The following ZBTB7C variants were observed in gnomAD, a reference collection of about 807,000 sequenced individuals.
ZBTB7C encodes zinc finger and BTB domain containing 7C.
ZBTB7C carries 8 observed loss-of-function variants against 25.7 expected under a neutral mutation model. The ratio of observed to expected loss-of-function variants is 0.31; its 90% CI spans 0.18 to 0.56. The LOEUF is 0.56. Ranked by LOEUF, ZBTB7C falls within the 20% of genes least tolerant of loss-of-function variation. The pLI, the probability that ZBTB7C is intolerant of heterozygous loss-of-function variation, is 0.91. For synonymous variants in ZBTB7C, 394 were observed against 369.0 expected (o/e 1.07, Z -0.78); for missense variants, 824 against 855.2 (o/e 0.96, Z 0.46).
chr18:48,228,134 A>T (rs2043152430), intron 2 of ZBTB7C, among the ~76,000 whole-genome samples: 1 of 152,166 alleles, frequency 6.6e-6, no homozygotes, highest in East Asian at 1.9e-4. Flanking sequence ...AGCATGCTCA[A>T]TGGCATGGCT....
chr18:48,218,286 C>T (rs367701188), intron 2 of ZBTB7C, among the ~76,000 whole-genome samples: 6 of 152,182 alleles, frequency 3.9e-5, no homozygotes, highest in South Asian at 2.1e-4. Flanking sequence ...TGCAAAGGGC[C>T]GCTGAATCAA....
At chr18:48,043,643 A>T (rs1301692852) in intron 3 of ZBTB7C, among the ~76,000 whole-genome samples, 2 of 152,184 alleles carry the variant, frequency 1.3e-5, no homozygotes, top group Non-Finnish European at 2.9e-5. Flanking sequence ...GATACTTGTG[A>T]TGGAAATGTT....
intron 1 of ZBTB7C, among the ~76,000 whole-genome samples, chr18:48,383,205 C>T (rs1264969324): frequency 6.6e-6 from 1 of 152,138 alleles, no homozygotes; most frequent in Non-Finnish European, 1.5e-5. Context: ...CTTACAGAAT[C>T]CCCCTCACAA....
Position 48,040,678 on chromosome 18 carries a change from CGTCATCGTCCTCCTT to C in ZBTB7C, c.415_429del (p.Lys139_Asp143del). On this transcript the variant is annotated inframe_deletion, in exon 4 of 5. Transcript: ENST00000590800. ...TCCTCATCATCATCATCTTCGTCGT[CGTCATCGTCCTCCTT>C]GTCATCCTCCTCCCCCCCGTCCCCC... The C allele has an allele frequency of 1.9e-6, 3 of 1,613,838 alleles. No individual in the cohort carries two copies. Among genetic ancestry groups the C allele is most frequent in the Non-Finnish European group, 2.5e-6 (3 of 1,179,862 alleles).
At chr18:48,184,960 C>T (rs775735933) in intron 3 of ZBTB7C, among the ~76,000 whole-genome samples, 15 of 152,150 alleles carry the variant, frequency 9.9e-5, no homozygotes, top group Non-Finnish European at 1.8e-4. Context: ...GTGAAAAATT[C>T]ATGCAGCCAT....
intron 3 of ZBTB7C, among the ~76,000 whole-genome samples, chr18:48,184,481 C>G (rs1168163195): frequency 6.6e-6 from 1 of 152,108 alleles, no homozygotes; most frequent in African/African-American, 2.4e-5. Flanking sequence ...TGGATAGAGC[C>G]TTTGTAAAGC....
intron 2 of ZBTB7C, among the ~76,000 whole-genome samples, chr18:48,278,720 G>A (rs555399225): frequency 3.9e-5 from 6 of 152,208 alleles, no homozygotes; most frequent in South Asian, 2.1e-4. Context: ...GAGCCACCGC[G>A]TCCAGCCATC....
At position 48,227,312 on chromosome 18, in the gene ZBTB7C, T is replaced by C. The variant is rs948697486; in HGVS notation, c.-78-41317A>G. On this transcript the variant is annotated intron_variant, in intron 2 of 4. Coordinates refer to ENST00000590800, the MANE Select transcript of ZBTB7C (RefSeq NM_001318841.2). Reference sequence around the variant, plus strand: ...TTCACATGTGTACGGCCTGGCAGTTTAGAGGGCACCTTCAAAAGCCTCCTC... The same window carrying C: ...TTCACATGTGTACGGCCTGGCAGTTCAGAGGGCACCTTCAAAAGCCTCCTC... Among the ~76,000 whole-genome samples the C allele has an allele frequency of 8.5e-5, 13 of 152,212 alleles. No individual in the cohort carries two copies. In the East Asian group the frequency reaches 1.4e-3, roughly 16 times the overall value.
At chr18:48,098,748 T>C (rs1380965661) in intron 3 of ZBTB7C, among the ~76,000 whole-genome samples, 3 of 152,188 alleles carry the variant, frequency 2.0e-5, no homozygotes, top group Non-Finnish European at 4.4e-5. Flanking sequence ...GGGATGGACA[T>C]GTGACATAGG....
chr18:48,348,000 C>T (rs1178070938), intron 1 of ZBTB7C, among the ~76,000 whole-genome samples: 3 of 152,176 alleles, frequency 2.0e-5, no homozygotes, highest in Non-Finnish European at 4.4e-5. Flanking sequence ...TTGGCCTGCC[C>T]CAGGGAGCAG....
intron 2 of ZBTB7C, among the ~76,000 whole-genome samples, chr18:48,254,802 T>C (rs759576179): frequency 1.3e-4 from 20 of 152,294 alleles, no homozygotes; most frequent in South Asian, 4.1e-4. Flanking sequence ...CCTCATTCAG[T>C]AGCCCTATGA....
intron 3 of ZBTB7C, among the ~76,000 whole-genome samples, chr18:48,079,988 T>C (rs1264131348): frequency 6.6e-6 from 1 of 152,234 alleles, no homozygotes; most frequent in Non-Finnish European, 1.5e-5. Flanking sequence ...CATGAGTCTG[T>C]GCTAACGACA....
intron 2 of ZBTB7C, among the ~76,000 whole-genome samples, chr18:48,289,208 T>G (rs558777648): frequency 1.3e-5 from 2 of 152,258 alleles, no homozygotes; most frequent in African/African-American, 4.8e-5. Context: ...AACTAAATAA[T>G]AATAATAATA....
At position 48,040,634 on chromosome 18, in the gene ZBTB7C, C is replaced by CTCCTCCTCCTCTTCG. The variant is rs752158268; in HGVS notation, c.459_473dup (p.Asp153_Glu157dup). On this transcript the variant is annotated inframe_insertion, in exon 4 of 5. Coordinates refer to ENST00000590800, the MANE Select transcript of ZBTB7C (RefSeq NM_001318841.2). ...CATCATCGTCATCCTCCTCCTCTTC[C>CTCCTCCTCCTCTTCG]TCCTCCTCCTCTTCGTCCTCCTCAT... 2.5e-6 allele frequency: 4 copies of CTCCTCCTCCTCTTCG among 1,609,794 alleles called. No individual in the cohort carries two copies. Among genetic ancestry groups the CTCCTCCTCCTCTTCG allele is most frequent in the African/African-American group, 1.3e-5 (1 of 74,774 alleles).
intron 3 of ZBTB7C, among the ~76,000 whole-genome samples, chr18:48,147,130 T>G (rs1598969061): frequency 6.6e-6 from 1 of 152,186 alleles, no homozygotes; most frequent in Non-Finnish European, 1.5e-5. Context: ...CAGGCTGGAG[T>G]GCAGTGATGC....
intron 1 of ZBTB7C, among the ~76,000 whole-genome samples, chr18:48,391,059 A>C (rs981667477): frequency 6.6e-6 from 1 of 152,196 alleles, no homozygotes; most frequent in Non-Finnish European, 1.5e-5. Context: ...AAAACCTCCA[A>C]GTTTCCATTT....
At chr18:48,142,478 C>G (rs1189393066) in intron 3 of ZBTB7C, among the ~76,000 whole-genome samples, 1 of 152,212 alleles carries the variant, frequency 6.6e-6, no homozygotes, top group African/African-American at 2.4e-5. Context: ...GGACTCCTAG[C>G]CTGGCTGGCT....
chr18:48,161,690 T>TGCCCG (rs1257087477), intron 3 of ZBTB7C, among the ~76,000 whole-genome samples: 23 of 140,360 alleles, frequency 1.6e-4, no homozygotes, highest in African/African-American at 3.3e-4. Context: ...TTCACTCGGC[T>TGCCCG]GCCCGGCCCG....
intron 1 of ZBTB7C, among the ~76,000 whole-genome samples, chr18:48,347,267 T>C (rs1376337153): frequency 2.0e-5 from 3 of 148,066 alleles, no homozygotes; most frequent in East Asian, 2.0e-4. Flanking sequence ...CACCATGCCC[T>C]CAAGCTCCTG....
Sources: allele counts gnomAD v4.1 joint callset (sites outside exome capture counted in the v4.1 genomes callset), GRCh38; gene constraint gnomAD v4.1.1; transcripts MANE v1.5; gene names NCBI Gene and HGNC (gene_info 2026-07-23, HGNC 2026-07-21).